FAM110B: variants seen among roughly 807,000 people sequenced by gnomAD.
The protein encoded by FAM110B is family with sequence similarity 110 member B.
A neutral mutation model predicts 20.4 loss-of-function variants in FAM110B; 6 were observed. The observed-to-expected ratio is 0.29, with a 90% CI of 0.16 to 0.58. The LOEUF (loss-of-function observed/expected upper bound fraction) is 0.58, where lower values mean the gene tolerates loss of function less well. Among genes scored for constraint, FAM110B ranks in the 20% least tolerant of loss-of-function variants. The probability of loss-of-function intolerance (pLI) is 0.90; values close to 1 mark genes in which losing one functional copy is unlikely to be tolerated. For missense variants in FAM110B, 434 were observed against 498.2 expected, an observed-to-expected ratio of 0.87 and a Z score of 1.23; for synonymous variants, 226 against 214.1, an observed-to-expected ratio of 1.06 and a Z score of -0.49.
chr8:58,064,156 AC>A (rs2150586742), intron 2 of FAM110B, among the ~76,000 whole-genome samples: 1 of 152,140 alleles, frequency 6.6e-6, no homozygotes, highest in East Asian at 1.9e-4. Flanking sequence ...TGCGAACTCC[AC>A]CCCCATGATC....
intron 1 of FAM110B, among the ~76,000 whole-genome samples, chr8:58,020,191 A>C (rs903383553): frequency 2.0e-5 from 3 of 151,980 alleles, no homozygotes; most frequent in Non-Finnish European, 2.9e-5. Context: ...CTCTTCTATT[A>C]GATTTTTTTA....
At chr8:58,057,932 G>A (rs1446068253) in intron 2 of FAM110B, among the ~76,000 whole-genome samples, 1 of 152,232 alleles carries the variant, frequency 6.6e-6, no homozygotes, top group African/African-American at 2.4e-5. Context: ...AGTCCACAAG[G>A]GTGGCCTCCA....
At chr8:58,111,256 C>G (rs1807052069) in intron 3 of FAM110B, among the ~76,000 whole-genome samples, 1 of 152,198 alleles carries the variant, frequency 6.6e-6, no homozygotes, top group African/African-American at 2.4e-5. Context: ...ATTCTGAGCT[C>G]AGAAAATCAC....
chr8:58,092,186 A>G (rs960642981), intron 3 of FAM110B, among the ~76,000 whole-genome samples: 5 of 152,028 alleles, frequency 3.3e-5, no homozygotes, highest in African/African-American at 7.2e-5. Context: ...TTTGCTGTTT[A>G]TGTATTATTT....
At chr8:58,020,268 A>T (rs1804724659) in intron 1 of FAM110B, among the ~76,000 whole-genome samples, 1 of 151,800 alleles carries the variant, frequency 6.6e-6, no homozygotes, top group Non-Finnish European at 1.5e-5. Context: ...GAGCTCACTA[A>T]GTGAGTCATT....
At chr8:58,125,868 G>A (rs534763406) in intron 3 of FAM110B, among the ~76,000 whole-genome samples, 1 of 152,170 alleles carries the variant, frequency 6.6e-6, no homozygotes, top group Non-Finnish European at 1.5e-5. Context: ...TTCACAAGAA[G>A]TTGCAAAGAT....
chr8:58,100,099 T>G (rs1235580404), intron 3 of FAM110B, among the ~76,000 whole-genome samples: 1 of 152,216 alleles, frequency 6.6e-6, no homozygotes, highest in African/African-American at 2.4e-5. Context: ...TCTTGTAACT[T>G]AGATTGTAGG....
intron 1 of FAM110B, among the ~76,000 whole-genome samples, chr8:58,016,884 A>G (rs1194766138): frequency 6.6e-6 from 1 of 152,172 alleles, no homozygotes; most frequent in African/African-American, 2.4e-5. Flanking sequence ...CTGCCTTCTA[A>G]GAGAAGGTAG....
intron 3 of FAM110B, among the ~76,000 whole-genome samples, chr8:58,127,021 CA>C (rs1412543147): frequency 1.3e-5 from 2 of 152,154 alleles, no homozygotes; most frequent in Non-Finnish European, 2.9e-5. Flanking sequence ...CTAATAATAA[CA>C]TTTTTTTATT....
In FAM110B at chr8:58,006,923, A is replaced by ATTTTTTTTTTTTTT. The variant is rs1554568496; in HGVS notation, c.-512+12122_-512+12123insTTTTTTTTTTTTTT. On this transcript the variant is annotated intron_variant, in intron 1 of 3. Coordinates refer to ENST00000519262, the MANE Select transcript of FAM110B (RefSeq NM_001377989.1). ...TTGGTATATATATATATATATATAT[A>ATTTTTTTTTTTTTT]TTTTTCCAAAACCAGAGTTTGCATT... is the stretch of plus-strand genomic sequence containing the variant. Among the ~76,000 whole-genome samples, 151 of 126,450 alleles carry ATTTTTTTTTTTTTT rather than the reference A, an allele frequency of 1.2e-3. 1 individual carries two copies. Among genetic ancestry groups the ATTTTTTTTTTTTTT allele is most frequent in the Non-Finnish European group, 2.0e-3 (120 of 60,846 alleles). 83.0% of individuals were successfully genotyped at this position (126,450 alleles called of 152,430 possible). A position where few individuals can be genotyped will look rare whatever the true frequency, so the allele number is the denominator to read the frequency against.
intron 3 of FAM110B, among the ~76,000 whole-genome samples, chr8:58,132,868 G>A (rs1450775197): frequency 6.6e-6 from 1 of 152,200 alleles, no homozygotes; most frequent in Non-Finnish European, 1.5e-5. Flanking sequence ...CAACAAGAAA[G>A]CTAGAGACTG....
chr8:58,030,948 T>G (rs1804951256), intron 1 of FAM110B, among the ~76,000 whole-genome samples: 1 of 152,186 alleles, frequency 6.6e-6, no homozygotes, highest in Non-Finnish European at 1.5e-5. Context: ...TTTCCCCGTT[T>G]GTAAAAAGGA....
At chr8:58,053,823 T>A (rs560113212) in intron 2 of FAM110B, among the ~76,000 whole-genome samples, 1 of 152,350 alleles carries the variant, frequency 6.6e-6, no homozygotes, top group East Asian at 1.9e-4. Flanking sequence ...CTGTTTTGTT[T>A]GGTATACTGT....
intron 2 of FAM110B, among the ~76,000 whole-genome samples, chr8:58,037,721 A>C (rs1805114163): frequency 1.3e-5 from 2 of 152,168 alleles, no homozygotes; most frequent in South Asian, 4.1e-4. Flanking sequence ...TATTGTTCAC[A>C]ATCTGTTTAG....
intron 3 of FAM110B, among the ~76,000 whole-genome samples, chr8:58,143,608 G>A (rs1016376493): frequency 1.3e-5 from 2 of 152,238 alleles, no homozygotes; most frequent in African/African-American, 4.8e-5. Flanking sequence ...AAAGCAGTGT[G>A]CAAGGAAGAC....
At chr8:58,128,643 G>A (rs1807572383) in intron 3 of FAM110B, among the ~76,000 whole-genome samples, 1 of 152,194 alleles carries the variant, frequency 6.6e-6, no homozygotes, top group South Asian at 2.1e-4. Flanking sequence ...GGCTGTATAA[G>A]TATTTGTCTT....
At position 58,148,178 on chromosome 8, in the gene FAM110B, T is replaced by TG. The variant is rs1281950156; in HGVS notation, c.*835_*836insG. The TG allele has an allele frequency of 5.8e-4, 74 of 126,644 alleles. No homozygotes were observed. In the East Asian group the frequency reaches 0.013, roughly 22 times the overall value. 7.8% of individuals were successfully genotyped at this position (126,644 alleles called of 1,614,324 possible). On this transcript the variant is annotated 3_prime_UTR_variant, in exon 4 of 4. Transcript: ENST00000519262. Reference sequence around the variant, plus strand: ...GTTGTGGTTTTTTGTTTTTTTTTTTTTTTTTTTTGGTCGAGAACTACTAAT... The same window carrying TG: ...GTTGTGGTTTTTTGTTTTTTTTTTTTGTTTTTTTTGGTCGAGAACTACTAAT...
intron 2 of FAM110B, among the ~76,000 whole-genome samples, chr8:58,053,792 C>T (rs1213106206): frequency 6.6e-6 from 1 of 152,190 alleles, no homozygotes; most frequent in African/African-American, 2.4e-5. Context: ...TCTAGAACTT[C>T]AGCTCACTTA....
chr8:58,046,546 A>G (rs1303092425), intron 2 of FAM110B, among the ~76,000 whole-genome samples: 1 of 152,214 alleles, frequency 6.6e-6, no homozygotes, highest in Non-Finnish European at 1.5e-5. Flanking sequence ...CAACATAGTC[A>G]TCCATTGGCA....
Sources: allele counts gnomAD v4.1 joint callset (sites outside exome capture counted in the v4.1 genomes callset), GRCh38; gene constraint gnomAD v4.1.1; transcripts MANE v1.5; gene names NCBI Gene and HGNC (gene_info 2026-07-23, HGNC 2026-07-21).